DNAJB2: variants seen among roughly 807,000 people sequenced by gnomAD.
DNAJB2 encodes dnaJ homolog subfamily B member 2.
A neutral mutation model predicts 33.3 loss-of-function variants in DNAJB2; 19 were observed. The ratio of observed to expected loss-of-function variants is 0.57; its 90% confidence interval spans 0.40 to 0.84. The LOEUF (loss-of-function observed/expected upper bound fraction) is 0.84, where lower values mean the gene tolerates loss of function less well. Ranked by LOEUF, DNAJB2 falls within the 40% of genes least tolerant of loss-of-function variation. The pLI is 0.00. For missense variants in DNAJB2, 368 were observed against 430.9 expected (o/e 0.85, Z 1.29); for synonymous variants, 172 against 164.6 (o/e 1.04, Z -0.34).
chr2:219,280,738 C>T (rs1342549670), intron 3 of DNAJB2, 51 bp downstream of exon 3: 4 of 1,336,440 alleles, frequency 3.0e-6, no homozygotes, highest in Non-Finnish European at 4.2e-6. Flanking sequence ...TACTTCATGC[C>T]CCAGCTCACA....
At chr2:219,284,571 C>T in intron 8 of DNAJB2, 61 bp from the exon 9 acceptor site, 1 of 1,521,700 alleles carries the variant, frequency 6.6e-7, no homozygotes, top group Non-Finnish European at 8.9e-7. Flanking sequence ...CTGTGTGAGG[C>T]AGCCTGGCAG....
At position 219,283,216 on chromosome 2, in the gene DNAJB2, C is replaced by T. The variant is rs1415279774; in HGVS notation, c.529C>T (p.Arg177Cys). The T allele has an allele frequency of 1.5e-5, 25 of 1,614,230 alleles. No homozygotes were observed. Among genetic ancestry groups the T allele is most frequent in the Middle Eastern group, 1.6e-4 (1 of 6,062 alleles). Residue 177 changes from arginine (R) to cysteine (C), a missense_variant, in exon 7 of 9, where the codon CGC becomes TGC. Physicochemically the swap from Arg to Cys is radical, Grantham distance 180 (BLOSUM62 -3). Coordinates refer to ENST00000336576, the MANE Select transcript of DNAJB2 (RefSeq NM_006736.6). ...TACATCTACCACCTTTGTCCAAGGACGCCGCATCACCACACGCAGGTGAGA... is the reference window on the plus strand; with the variant it reads ...TACATCTACCACCTTTGTCCAAGGATGCCGCATCACCACACGCAGGTGAGA... ...VSTSTTFVQG[R>C]RITTRRIMEN...
chr2:219,280,773 A>G (rs1365101470), intron 3 of DNAJB2, 86 bp downstream of exon 3: 1 of 996,628 alleles, frequency 1.0e-6, no homozygotes, highest in African/African-American at 1.6e-5. Flanking sequence ...TGTCTCTGCC[A>G]CCTAGTTTCC....
At chr2:219,282,691 G>T (rs1028959893) in intron 5 of DNAJB2, 146 bp from the exon 6 acceptor site, 3 of 651,020 alleles carry the variant, frequency 4.6e-6, no homozygotes, top group Non-Finnish European at 4.8e-6. Flanking sequence ...ACATTAAAAA[G>T]GAATTTATAA....
chr2:219,283,256 C>T (rs1408281467), intron 7 of DNAJB2, 21 bp downstream of exon 7: 1 of 1,613,896 alleles, frequency 6.2e-7, no homozygotes, highest in South Asian at 1.1e-5. Flanking sequence ...CTTCTGGGGC[C>T]ATAGAGGGGT....
At chr2:219,281,326 GGT>G in intron 3 of DNAJB2, 1 of 225,434 alleles carries the variant, frequency 4.4e-6, no homozygotes, top group Non-Finnish European at 8.9e-6. Flanking sequence ...CTTTAGTTCT[GGT>G]GGTTGTAGAA....
Position 219,285,703 on chromosome 2 carries a change from A to C in DNAJB2, c.*716A>C. ...TGGGGCGGGAGCCTCTCAGCTGTCC[A>C]GATTCAGAACTGGAGCCCACTCCTC... On this transcript the variant is annotated 3_prime_UTR_variant, in exon 9 of 9. Coordinates refer to ENST00000336576, the MANE Select transcript of DNAJB2 (RefSeq NM_006736.6). The C allele has an allele frequency of 8.2e-7, 1 of 1,217,266 alleles. No homozygotes were observed. Among genetic ancestry groups the C allele is most frequent in the Non-Finnish European group, 1.0e-6 (1 of 973,462 alleles). 75.4% of individuals were successfully genotyped at this position (1,217,266 alleles called of 1,614,324 possible).
chr2:219,280,165 C>T (rs553915256), intron 2 of DNAJB2: 156 of 546,830 alleles, frequency 2.9e-4, no homozygotes, highest in African/African-American at 2.7e-3. Context: ...TCCTCCTCCT[C>T]CTCCTCCTTT....
chr2:219,282,746 C>G (rs771086552), intron 5 of DNAJB2, 91 bp from the exon 6 acceptor site: 11 of 1,258,842 alleles, frequency 8.7e-6, no homozygotes, highest in South Asian at 7.1e-5. Context: ...TACCCAGTTG[C>G]TTAGTGGTTT....
In DNAJB2 at chr2:219,280,615, A is replaced by C; in HGVS notation, c.103A>C (p.Asn35His). Residue 35 changes from asparagine (N) to histidine (H), a missense_variant, in exon 3 of 9, where the codon AAC becomes CAC. Coordinates refer to ENST00000336576, the MANE Select transcript of DNAJB2 (RefSeq NM_006736.6). ...GGCTCTCCAGTGGCACCCAGACAAA[A>C]ACCCAGATAATAAAGAGTTTGCTGA... ...RKALQWHPDK[N>H]PDNKEFAEKK... 2 of 1,614,078 alleles carry C rather than the reference A, an allele frequency of 1.2e-6. No individual in the cohort carries two copies. Among genetic ancestry groups the C allele is most frequent in the Non-Finnish European group, 1.7e-6 (2 of 1,180,002 alleles).
Position 219,283,249 on chromosome 2 carries a change from C to T in DNAJB2, c.548+14C>T, listed in dbSNP as rs893873016. 7 of 1,614,012 alleles carry T rather than the reference C, an allele frequency of 4.3e-6. No homozygotes were observed. The highest frequency in any genetic ancestry group is 2.7e-5 in the African/African-American group (2 of 74,938). ...CACCACACGCAGGTGAGAGCTCCTT[C>T]TGGGGCCATAGAGGGGTGAGAGGTC... is the stretch of plus-strand genomic sequence containing the variant. On this transcript the variant is annotated intron_variant, in intron 7 of 8. Transcript: ENST00000336576.
In DNAJB2 at chr2:219,284,911, A is replaced by T. The variant is rs1951940877; in HGVS notation, c.899A>T (p.Gln300Leu). 1 of 1,595,470 alleles carries T rather than the reference A, an allele frequency of 6.3e-7. No homozygotes were observed. The highest frequency in any genetic ancestry group is 8.6e-7 in the Non-Finnish European group (1 of 1,168,024). ...QHQDPGLGGT[Q>L]EGARGEATKR... ...CAAGATCCAGGCTTGGGGGGGACCC[A>T]GGAGGGTGCGAGGGGTGAAGCAACC... Residue 300 changes from glutamine to leucine, a missense_variant, in exon 9 of 9, where the codon CAG becomes CTG. Coordinates refer to ENST00000336576, the MANE Select transcript of DNAJB2 (RefSeq NM_006736.6).
chr2:219,280,934 C>T lies in DNAJB2; in HGVS notation c.175+247C>T, dbSNP rs149185904. ...TAACTCATGTGAGCTGAGCCTCCTGCGTGCCAGGCATTGGTGGGTGTCATC... is the reference window on the plus strand; with the variant it reads ...TAACTCATGTGAGCTGAGCCTCCTGTGTGCCAGGCATTGGTGGGTGTCATC... On this transcript the variant is annotated intron_variant, in intron 3 of 8. Coordinates refer to ENST00000336576, the MANE Select transcript of DNAJB2 (RefSeq NM_006736.6). 1.9e-3 allele frequency: 946 copies of T among 495,960 alleles called. 7 individuals are homozygous for T. The highest frequency in any genetic ancestry group is 0.015 in the African/African-American group (796 of 52,010). 30.7% of individuals were successfully genotyped at this position (495,960 alleles called of 1,614,324 possible).
chr2:219,281,769 C>T lies in DNAJB2; in HGVS notation c.227C>T (p.Thr76Ile). 6.2e-7 allele frequency: 1 copy of T among 1,613,976 alleles called. No individual in the cohort carries two copies. The highest frequency in any genetic ancestry group is 8.5e-7 in the Non-Finnish European group (1 of 1,180,014). Residue 76 changes from threonine (T) to isoleucine (I), a missense_variant and splice_region_variant, in exon 4 of 9, where the codon ACA becomes ATA. Physicochemically the swap from Thr to Ile is moderately conservative, Grantham distance 89 (BLOSUM62 -1). Transcript: ENST00000336576. The stretch of plus-strand genomic sequence containing the variant: ...TATGGCCGGGAAGGGCTGACAGGGA[C>T]AGGTAGGTGGAGTGGTGAGGCCCAG... ...DRYGREGLTG[T>I]GTGPSRAEAG...
At position 219,285,769 on chromosome 2, in the gene DNAJB2, A is replaced by G; in HGVS notation, c.*782A>G. 7.4e-7 allele frequency: 1 copy of G among 1,354,320 alleles called. No individual in the cohort carries two copies. Among genetic ancestry groups the G allele is most frequent in the Non-Finnish European group, 9.5e-7 (1 of 1,048,660 alleles). 83.9% of individuals were successfully genotyped at this position (1,354,320 alleles called of 1,614,324 possible). ...TCAGCCTGCCCTCACCCTCAGGACT[A>G]GGCAGAGGTGAGGCTGGCTCACCCT... is the stretch of plus-strand genomic sequence containing the variant. On this transcript the variant is annotated 3_prime_UTR_variant, in exon 9 of 9. Coordinates refer to ENST00000336576, the MANE Select transcript of DNAJB2 (RefSeq NM_006736.6).
Position 219,285,417 on chromosome 2 carries a change from C to G in DNAJB2, c.*430C>G. The stretch of plus-strand genomic sequence containing the variant: ...GAGCAGTGCAGGCAGAGTGGAGCCT[C>G]CTGCTCTCCTGGACCAGCTGCAGAC... On this transcript the variant is annotated 3_prime_UTR_variant, in exon 9 of 9. Coordinates refer to ENST00000336576, the MANE Select transcript of DNAJB2 (RefSeq NM_006736.6). The G allele has an allele frequency of 9.9e-7, 1 of 1,007,404 alleles. No individual in the cohort carries two copies. The highest frequency in any genetic ancestry group is 4.5e-5 in the South Asian group (1 of 22,204). The allele number at this position is 1,007,404 out of a possible 1,614,324, so 62.4% of individuals were successfully genotyped here.
rs914225594 is a variant in DNAJB2, at chr2:219,279,730, G to T, written c.-36-68G>T. On this transcript the variant is annotated intron_variant, in intron 1 of 8. Coordinates refer to ENST00000336576, the MANE Select transcript of DNAJB2 (RefSeq NM_006736.6). This position sits in a 1 kb window ranked among gnomAD's most constrained non-coding sequence, Gnocchi z 4.9. Reference sequence around the variant, plus strand: ...CTGGGAGCGCCTTCCGCCACCCGGGGAGGGGGACTGCTGCAGCCACAGGGT... The same window carrying T: ...CTGGGAGCGCCTTCCGCCACCCGGGTAGGGGGACTGCTGCAGCCACAGGGT... 2.2e-6 allele frequency: 3 copies of T among 1,335,858 alleles called. No homozygotes were observed. Among genetic ancestry groups the T allele is most frequent in the East Asian group, 2.4e-5 (1 of 41,890 alleles). 82.8% of individuals were successfully genotyped at this position (1,335,858 alleles called of 1,614,324 possible).
At chr2:219,281,612 C>T (rs1029593313) in intron 3 of DNAJB2, 106 bp from the exon 4 acceptor site, 73 of 1,498,326 alleles carry the variant, frequency 4.9e-5, no homozygotes, top group Non-Finnish European at 6.2e-5. Flanking sequence ...TGCTTTCCCC[C>T]GCCAAGTGTC....
In DNAJB2 at chr2:219,283,240, G is replaced by A. The variant is rs1951923213; in HGVS notation, c.548+5G>A. ...ACGCCGCATCACCACACGCAGGTGA[G>A]AGCTCCTTCTGGGGCCATAGAGGGG... On this transcript the variant is annotated splice_donor_5th_base_variant and intron_variant, in intron 7 of 8. Transcript: ENST00000336576. 6.2e-7 allele frequency: 1 copy of A among 1,614,196 alleles called. No homozygotes were observed. The highest frequency in any genetic ancestry group is 8.5e-7 in the Non-Finnish European group (1 of 1,180,016).
Sources: allele counts gnomAD v4.1 joint callset, GRCh38; gene constraint gnomAD v4.1.1; non-coding constraint Gnocchi (gnomAD v3.1); transcripts MANE v1.5; gene names NCBI Gene and HGNC (gene_info 2026-07-23, HGNC 2026-07-21).